Variants in PIGZ observed in about 807,000 individuals in gnomAD.
PIGZ encodes GPI alpha-1,2-mannosyltransferase 4.
PIGZ carries 16 observed loss-of-function variants against 16.4 expected under a neutral mutation model. The ratio of observed to expected loss-of-function variants is 0.97; its 90% CI spans 0.66 to 1.48. PIGZ has a LOEUF of 1.48. Among genes scored for constraint, PIGZ ranks in the 40% most tolerant of loss-of-function variants. The probability of loss-of-function intolerance (pLI) is 0.00; values close to 1 mark genes in which losing one functional copy is unlikely to be tolerated. For missense variants in PIGZ, 770 were observed against 739.2 expected, an observed-to-expected ratio of 1.04 and a Z score of -0.48; for synonymous variants, 409 against 338.4, an observed-to-expected ratio of 1.21 and a Z score of -2.29.
intron 2 of PIGZ, 30 bp from the exon 3 acceptor site, chr3:196,948,715 C>G: frequency 7.0e-7 from 1 of 1,433,124 alleles, no homozygotes; most frequent in Admixed American, 2.9e-5. Flanking sequence ...TGAGCCAGTA[C>G]CAAGCTCAGG....
At chr3:196,952,940 G>A (rs578184959) in intron 1 of PIGZ, among the ~76,000 whole-genome samples, 19 of 152,270 alleles carry the variant, frequency 1.2e-4, no homozygotes, top group African/African-American at 4.6e-4. Flanking sequence ...TCTCACACCA[G>A]TGTGCCCCAA....
intron 1 of PIGZ, among the ~76,000 whole-genome samples, chr3:196,953,656 A>C (rs1457774620): frequency 6.6e-6 from 1 of 152,190 alleles, no homozygotes; most frequent in Non-Finnish European, 1.5e-5. Context: ...CTCCAGAAAT[A>C]GTGATGTTGC....
intron 2 of PIGZ, among the ~76,000 whole-genome samples, chr3:196,948,927 C>T (rs200266458): frequency 0.021 from 274 of 13,076 alleles, 48 homozygotes; most frequent in African/African-American, 0.2. Flanking sequence ...TCCCTTCCTT[C>T]CCTTTACTTC....
intron 1 of PIGZ, among the ~76,000 whole-genome samples, chr3:196,967,651 C>T (rs921195741): frequency 1.3e-5 from 2 of 152,176 alleles, no homozygotes; most frequent in Non-Finnish European, 2.9e-5. Context: ...CGCACTGCAT[C>T]CTCACTTTGA....
intron 1 of PIGZ, among the ~76,000 whole-genome samples, chr3:196,954,129 A>C (rs1018492534): frequency 1.3e-5 from 2 of 152,098 alleles, no homozygotes; most frequent in Non-Finnish European, 2.9e-5. Context: ...CCAAAAAAAT[A>C]CAAAATTTAG....
In PIGZ at chr3:196,951,984, T is replaced by A; in HGVS notation, c.48A>T (p.Ser16=). The A allele has an allele frequency of 6.2e-7, 1 of 1,614,206 alleles. No individual in the cohort carries two copies. Among genetic ancestry groups the A allele is most frequent in the Non-Finnish European group, 8.5e-7 (1 of 1,180,034 alleles). The change falls in exon 2 of 3, where the codon TCA becomes TCT. Residue 16 remains serine, a synonymous_variant. Transcript: ENST00000412723. The part of the protein sequence containing the change: ...SSVASVAAGT[S]FQVLGPVCWQ... ...AACACACCGGGCCCAAAACCTGGAA[T>A]GATGTCCCAGCTGCTACAGATGCTA...
Position 196,965,209 on chromosome 3 carries a change from T to C in PIGZ, c.-1+3478A>G, listed in dbSNP as rs1717878415. ...AATTTCTAAATAAAAGAGGTTTCAT[T>C]GACTCACAGTTCTACATTGCTGGGG... On this transcript the variant is annotated intron_variant, in intron 1 of 2. Coordinates refer to ENST00000412723, the MANE Select transcript of PIGZ (RefSeq NM_025163.4). The surrounding 1 kb of genome is among the most constrained non-coding windows in gnomAD (Gnocchi z 4.2). Among the ~76,000 whole-genome samples the C allele has an allele frequency of 6.6e-6, 1 of 152,090 alleles. No homozygotes were observed. The highest frequency in any genetic ancestry group is 2.4e-5 in the African/African-American group (1 of 41,370).
chr3:196,958,367 A>C (rs1472063918), intron 1 of PIGZ, among the ~76,000 whole-genome samples: 1 of 152,228 alleles, frequency 6.6e-6, no homozygotes, highest in Non-Finnish European at 1.5e-5. Flanking sequence ...ATGGTGGCTC[A>C]CGCCTGTAAC....
chr3:196,961,420 A>G (rs1717718323), intron 1 of PIGZ, among the ~76,000 whole-genome samples: 1 of 152,232 alleles, frequency 6.6e-6, no homozygotes, highest in African/African-American at 2.4e-5. Flanking sequence ...TGCAAACAAC[A>G]ACAGCAAAAA....
rs141868091 is a variant in PIGZ at position 196,965,371 on chromosome 3, G to C, written c.-1+3316C>G. On this transcript the variant is annotated intron_variant, in intron 1 of 2. Coordinates refer to ENST00000412723, the MANE Select transcript of PIGZ (RefSeq NM_025163.4). This position sits in a 1 kb window ranked among gnomAD's most constrained non-coding sequence, Gnocchi z 4.2. ...TCTCATGAGAACTCCCTAACTATCC[G>C]AAGAACAGCGTGGGGGAAACCACCC... 6.6e-6 allele frequency among the ~76,000 whole-genome samples: 1 copy of C among 152,104 alleles called. No homozygotes were observed. The highest frequency in any genetic ancestry group is 1.9e-4 in the East Asian group (1 of 5,194).
In PIGZ at chr3:196,947,327, GGGTTACCACAAAGA is replaced by G; in HGVS notation, c.1556_1569del (p.Leu519ProfsTer18). The G allele has an allele frequency of 6.2e-7, 1 of 1,614,214 alleles. No individual in the cohort carries two copies. The highest frequency in any genetic ancestry group is 2.2e-5 in the East Asian group (1 of 44,890). Reference sequence around the variant, plus strand: ...TCCACGGCACGCCTGGTGGTGCCAGGGGTTACCACAAAGAGGCGGCAGAGCCATGGCCCACCAGC... The same window carrying G: ...TCCACGGCACGCCTGGTGGTGCCAGGGGCGGCAGAGCCATGGCCCACCAGC... On this transcript the variant is annotated frameshift_variant, in exon 3 of 3. Coordinates refer to ENST00000412723, the MANE Select transcript of PIGZ (RefSeq NM_025163.4). LOFTEE classifies it high-confidence loss of function.
At chr3:196,964,888 A>G (rs1250428354) in intron 1 of PIGZ, among the ~76,000 whole-genome samples, 3 of 152,138 alleles carry the variant, frequency 2.0e-5, no homozygotes, top group Admixed American at 2.0e-4. Flanking sequence ...CCTGTCTTAC[A>G]CACAAATGAA....
chr3:196,947,311 C>T lies in PIGZ; in HGVS notation c.1586G>A (p.Arg529His), dbSNP rs141227239. 3.7e-4 allele frequency: 598 copies of T among 1,614,194 alleles called. No homozygotes were observed. The highest frequency in any genetic ancestry group is 1.8e-3 in the Middle Eastern group (11 of 6,062). ...LFVVTPGTTR[R>H]AVEKCSFPFK... ...GGGGAAGCTGCACTTCTCCACGGCACGCCTGGTGGTGCCAGGGGTTACCAC... is the reference window on the plus strand; with the variant it reads ...GGGGAAGCTGCACTTCTCCACGGCATGCCTGGTGGTGCCAGGGGTTACCAC... Residue 529 changes from arginine (R) to histidine (H), a missense_variant, in exon 3 of 3, where the codon CGT (arginine) becomes CAT (histidine). Coordinates refer to ENST00000412723, the MANE Select transcript of PIGZ (RefSeq NM_025163.4).
intron 1 of PIGZ, among the ~76,000 whole-genome samples, chr3:196,954,634 A>C (rs150811413): frequency 6.6e-6 from 1 of 152,216 alleles, no homozygotes; most frequent in African/African-American, 2.4e-5. Context: ...GTTAATTTGG[A>C]GCCTTATTTT....
At chr3:196,957,437 C>T (rs1717536135) in intron 1 of PIGZ, among the ~76,000 whole-genome samples, 1 of 150,194 alleles carries the variant, frequency 6.7e-6, no homozygotes, top group Non-Finnish European at 1.5e-5. Context: ...GGCTGGAGTG[C>T]AGTGGCATGA....
intron 1 of PIGZ, among the ~76,000 whole-genome samples, chr3:196,953,432 G>A (rs991673853): frequency 6.6e-6 from 1 of 152,132 alleles, no homozygotes; most frequent in African/African-American, 2.4e-5. Flanking sequence ...CACACACCCT[G>A]GAACCTGCCT....
intron 1 of PIGZ, among the ~76,000 whole-genome samples, chr3:196,968,109 G>A (rs1718004955): frequency 6.6e-6 from 1 of 152,236 alleles, no homozygotes; most frequent in Non-Finnish European, 1.5e-5. Context: ...CTCCCTGGCA[G>A]GGTCACCTTT....
rs1471861043 is a variant in PIGZ, at chr3:196,968,734, G to C, written c.-48C>G. The C allele has an allele frequency of 6.6e-6, 1 of 152,014 alleles. No homozygotes were observed. Among genetic ancestry groups the C allele is most frequent in the Non-Finnish European group, 1.5e-5 (1 of 68,000 alleles). 9.4% of individuals were successfully genotyped at this position (152,014 alleles called of 1,614,324 possible). A position where few individuals can be genotyped will look rare whatever the true frequency, so the allele number is the denominator to read the frequency against. ...CTTCAGCGCTGGCGGCGTCCTGCCCGGCGAGGGCCAGGGTCCCAGGAGGCC... is the reference window on the plus strand; with the variant it reads ...CTTCAGCGCTGGCGGCGTCCTGCCCCGCGAGGGCCAGGGTCCCAGGAGGCC... On this transcript the variant is annotated 5_prime_UTR_variant, in exon 1 of 3. Coordinates refer to ENST00000412723, the MANE Select transcript of PIGZ (RefSeq NM_025163.4).
rs750927039 is a variant in PIGZ at position 196,948,327 on chromosome 3, C to A, written c.570G>T (p.Val190=). ...CCCACGTTACATGGGAGGATACCAG[C>A]ACCAGCAGCCACGTGAAGAGGAGTC... ...IEGLLFTWLL[V]LVSSHVTWGP... The change falls in exon 3 of 3, where the codon GTG becomes GTT. Residue 190 remains valine, a synonymous_variant. Transcript: ENST00000412723. 1 of 1,614,168 alleles carries A rather than the reference C, an allele frequency of 6.2e-7. No individual in the cohort carries two copies.
Sources: allele counts gnomAD v4.1 joint callset (sites outside exome capture counted in the v4.1 genomes callset), GRCh38; gene constraint gnomAD v4.1.1; non-coding constraint Gnocchi (gnomAD v3.1); transcripts MANE v1.5; gene names NCBI Gene and HGNC (gene_info 2026-07-23, HGNC 2026-07-21).